Variants in UBE3C observed in about 807,000 individuals in gnomAD.
UBE3C encodes ubiquitin protein ligase E3C.
Under a neutral mutation model 129.4 loss-of-function variants are expected in UBE3C, and 42 were observed. The observed-to-expected ratio is 0.32, with a 90% CI of 0.25 to 0.42. UBE3C has a LOEUF of 0.42. Among genes scored for constraint, UBE3C ranks in the 10% least tolerant of loss-of-function variants. UBE3C has a pLI of 1.00. For synonymous variants in UBE3C, 510 were observed against 492.4 expected (o/e 1.04, Z -0.47); for missense variants, 1,049 against 1,319.1 (o/e 0.80, Z 3.17).
intron 18 of UBE3C, among the ~76,000 whole-genome samples, chr7:157,238,785 C>G (rs537122853): frequency 2.6e-4 from 39 of 152,260 alleles, no homozygotes; most frequent in African/African-American, 8.7e-4. Context: ...AGCCCCAGGG[C>G]TCTCCAAGGT....
At chr7:157,243,152 T>G (rs1796389682) in intron 18 of UBE3C, among the ~76,000 whole-genome samples, 1 of 152,176 alleles carries the variant, frequency 6.6e-6, no homozygotes, top group Non-Finnish European at 1.5e-5. Flanking sequence ...ACAGGAGATG[T>G]GCACGTGTCC....
intron 2 of UBE3C, chr7:157,164,271 G>C: frequency 2.2e-6 from 1 of 447,988 alleles, no homozygotes; most frequent in South Asian, 1.6e-5. Flanking sequence ...TGATCTTCCT[G>C]CTCTAGCCTC....
chr7:157,213,129 G>A (rs758186052), intron 13 of UBE3C, among the ~76,000 whole-genome samples: 8 of 152,184 alleles, frequency 5.3e-5, no homozygotes, highest in African/African-American at 1.4e-4. Flanking sequence ...TTAATGTAAC[G>A]TTTTGATCTG....
chr7:157,196,817 A>C (rs1809132877), intron 10 of UBE3C, among the ~76,000 whole-genome samples: 1 of 152,126 alleles, frequency 6.6e-6, no homozygotes. Flanking sequence ...AAAAATACAA[A>C]AATGAGCTGG....
intron 22 of UBE3C, among the ~76,000 whole-genome samples, chr7:157,257,284 G>A (rs551935816): frequency 6.6e-6 from 1 of 152,164 alleles, no homozygotes; most frequent in East Asian, 1.9e-4. Flanking sequence ...GGTTATGATT[G>A]CCTGTGAACA....
chr7:157,199,151 G>T (rs1047173334), intron 10 of UBE3C, among the ~76,000 whole-genome samples: 6 of 152,130 alleles, frequency 3.9e-5, no homozygotes, highest in Non-Finnish European at 7.4e-5. Context: ...ACATTCTTTT[G>T]CCTTGTTTTG....
chr7:157,260,750 T>A (rs1041346956), intron 22 of UBE3C, among the ~76,000 whole-genome samples: 1 of 152,234 alleles, frequency 6.6e-6, no homozygotes, highest in African/African-American at 2.4e-5. Context: ...CACTGGAAGA[T>A]GCAGAGACTT....
intron 6 of UBE3C, among the ~76,000 whole-genome samples, chr7:157,180,739 G>A (rs906641562): frequency 5.9e-5 from 9 of 152,158 alleles, no homozygotes; most frequent in Non-Finnish European, 8.8e-5. Flanking sequence ...TATCAGAAGC[G>A]TAGGCTGGAT....
rs182985758 is a variant in UBE3C at position 157,248,864 on chromosome 7, C to T, written c.2694+284C>T. Among the ~76,000 whole-genome samples, 51 of 152,308 alleles carry T rather than the reference C, an allele frequency of 3.3e-4. 1 individual carries two copies. Among genetic ancestry groups the T allele is most frequent in the African/African-American group, 1.2e-3 (50 of 41,574 alleles). On this transcript the variant is annotated intron_variant, in intron 19 of 22. Transcript: ENST00000348165. ...CGGCCCAGGCTTGCTGCTTGTCTGGCTCTTCCCGGTGCTGGGGGTGGCCGT... is the reference window on the plus strand; with the variant it reads ...CGGCCCAGGCTTGCTGCTTGTCTGGTTCTTCCCGGTGCTGGGGGTGGCCGT...
At chr7:157,232,203 A>G (rs1023412207) in intron 18 of UBE3C, among the ~76,000 whole-genome samples, 1 of 152,122 alleles carries the variant, frequency 6.6e-6, no homozygotes, top group African/African-American at 2.4e-5. Context: ...GATCCAGTGT[A>G]ACTTCATCTT....
At chr7:157,241,182 G>A (rs1796309393) in intron 18 of UBE3C, among the ~76,000 whole-genome samples, 1 of 152,146 alleles carries the variant, frequency 6.6e-6, no homozygotes. Context: ...AGCGCTGCAG[G>A]GCATGTGGGA....
chr7:157,233,966 G>T (rs568195917), intron 18 of UBE3C, among the ~76,000 whole-genome samples: 1 of 152,244 alleles, frequency 6.6e-6, no homozygotes, highest in African/African-American at 2.4e-5. Context: ...ATCTTTTCAT[G>T]TGCTTCATGA....
intron 4 of UBE3C, among the ~76,000 whole-genome samples, chr7:157,171,030 G>A (rs903158462): frequency 1.3e-5 from 2 of 151,634 alleles, no homozygotes; most frequent in Admixed American, 6.6e-5. Flanking sequence ...CAGGCTGGTC[G>A]TGAACTTCTA....
chr7:157,180,141 C>T (rs1297578706), intron 6 of UBE3C, among the ~76,000 whole-genome samples: 1 of 152,174 alleles, frequency 6.6e-6, no homozygotes, highest in East Asian at 1.9e-4. Flanking sequence ...TTCTGTGGTA[C>T]AGCAGTTGTT....
intron 1 of UBE3C, among the ~76,000 whole-genome samples, chr7:157,163,521 A>C (rs1348351166): frequency 6.6e-6 from 1 of 152,202 alleles, no homozygotes; most frequent in Non-Finnish European, 1.5e-5. Flanking sequence ...ACGGAGCACC[A>C]GTCTTACTCA....
intron 10 of UBE3C, chr7:157,188,962 A>G: frequency 1.5e-6 from 1 of 680,482 alleles, no homozygotes; most frequent in Non-Finnish European, 2.7e-6. Context: ...GTACAAATGA[A>G]TGTGGAGACC....
intron 21 of UBE3C, 27 bp from the exon 22 acceptor site, chr7:157,256,887 A>G: frequency 6.2e-7 from 1 of 1,613,394 alleles, no homozygotes; most frequent in Non-Finnish European, 8.5e-7. Context: ...TTTGCATTTC[A>G]TAAAGCATGT....
In UBE3C at chr7:157,172,544, G is replaced by T. The variant is rs145120218; in HGVS notation, c.342+2094G>T. Among the ~76,000 whole-genome samples, 996 of 152,230 alleles carry T rather than the reference G, an allele frequency of 6.5e-3. 10 individuals carry two copies. The highest frequency in any genetic ancestry group is 0.01 in the Non-Finnish European group (701 of 68,022). ...GCTTTAAAACCCAGCATTGCCTCCA[G>T]AGTTGAGCTAAGGTGGAACATGGTG... is the stretch of plus-strand genomic sequence containing the variant. On this transcript the variant is annotated intron_variant, in intron 4 of 22. Transcript: ENST00000348165.
chr7:157,235,913 G>C (rs1796141169), intron 18 of UBE3C, among the ~76,000 whole-genome samples: 1 of 152,224 alleles, frequency 6.6e-6, no homozygotes, highest in African/African-American at 2.4e-5. Context: ...TACAGCAGCT[G>C]ATAGTGTGGC....
Sources: gnomAD v4.1 joint callset for allele counts (sites outside exome capture counted in the v4.1 genomes callset) on GRCh38, gnomAD v4.1.1 for gene constraint, MANE v1.5 for transcripts, NCBI Gene and HGNC (gene_info 2026-07-23, HGNC 2026-07-21) for gene names.